C8orf34: variants seen among roughly 807,000 people sequenced by gnomAD.
C8orf34 encodes the protein uncharacterized protein C8orf34.
A neutral mutation model predicts 68.3 loss-of-function variants in C8orf34; 65 were observed. The observed-to-expected ratio is 0.95, with a 90% CI of 0.78 to 1.17. The LOEUF (loss-of-function observed/expected upper bound fraction) is 1.17. C8orf34 is among the 50% of genes most tolerant of loss of function. C8orf34 has a pLI of 0.00. For synonymous variants in C8orf34, 244 were observed against 241.2 expected (o/e 1.01, Z -0.11); for missense variants, 664 against 655.4 (o/e 1.01, Z -0.14).
At chr8:68,525,634 A>C in intron 6 of C8orf34, 1 of 735,908 alleles carries the variant, frequency 1.4e-6, no homozygotes, top group South Asian at 1.4e-5. Context: ...ATGGGAGCAG[A>C]TTATGCTGCC....
chr8:68,354,791 C>T (rs1445540409), intron 1 of C8orf34, among the ~76,000 whole-genome samples: 1 of 151,970 alleles, frequency 6.6e-6, no homozygotes, highest in African/African-American at 2.4e-5. Flanking sequence ...CAAAGTAGAT[C>T]GTAAAGTCTT....
chr8:68,450,912 G>A (rs1453367087), intron 3 of C8orf34, among the ~76,000 whole-genome samples: 5 of 152,050 alleles, frequency 3.3e-5, no homozygotes, highest in African/African-American at 9.7e-5. Flanking sequence ...TTGAAGCCAG[G>A]CATTGACTTC....
chr8:68,561,533 G>GA (rs1243177294), intron 7 of C8orf34, among the ~76,000 whole-genome samples: 4 of 152,292 alleles, frequency 2.6e-5, no homozygotes, highest in African/African-American at 9.6e-5. Flanking sequence ...AACATGGGGG[G>GA]ATCTCCTGAG....
intron 10 of C8orf34, among the ~76,000 whole-genome samples, chr8:68,758,251 A>T (rs528893578): frequency 8.9e-4 from 136 of 152,288 alleles, no homozygotes; most frequent in African/African-American, 3.1e-3. Context: ...ATTTTTAAAA[A>T]TTTTCTCTGC....
At chr8:68,773,659 T>C (rs929368382) in intron 10 of C8orf34, among the ~76,000 whole-genome samples, 2 of 152,144 alleles carry the variant, frequency 1.3e-5, no homozygotes, top group African/African-American at 4.8e-5. Context: ...GTGCTGGGAT[T>C]ACAGGTGTGA....
At chr8:68,563,402 G>A (rs1470534138) in intron 7 of C8orf34, among the ~76,000 whole-genome samples, 1 of 152,042 alleles carries the variant, frequency 6.6e-6, no homozygotes, top group Non-Finnish European at 1.5e-5. Context: ...GGAAAATAAA[G>A]CATTAACAGA....
intron 11 of C8orf34, among the ~76,000 whole-genome samples, chr8:68,786,803 A>G (rs1396219777): frequency 1.3e-5 from 2 of 152,208 alleles, no homozygotes; most frequent in Non-Finnish European, 2.9e-5. Context: ...TGGCAACTTA[A>G]AAAGCGTGCT....
chr8:68,599,605 G>A (rs1817641645), intron 7 of C8orf34, among the ~76,000 whole-genome samples: 1 of 151,928 alleles, frequency 6.6e-6, no homozygotes, highest in Admixed American at 6.6e-5. Context: ...GAATTAAATT[G>A]TATTCCTCCC....
At chr8:68,634,230 A>T (rs1017837166) in intron 7 of C8orf34, among the ~76,000 whole-genome samples, 4 of 152,202 alleles carry the variant, frequency 2.6e-5, no homozygotes, top group Non-Finnish European at 4.4e-5. Flanking sequence ...CATCTTTCAC[A>T]TTGGAATTTC....
intron 7 of C8orf34, among the ~76,000 whole-genome samples, chr8:68,571,711 G>T (rs1586390860): frequency 6.6e-6 from 1 of 152,086 alleles, no homozygotes; most frequent in African/African-American, 2.4e-5. Flanking sequence ...ATTGCAAATG[G>T]CCTTCTTTTT....
chr8:68,692,158 C>T (rs1820703581), intron 8 of C8orf34, among the ~76,000 whole-genome samples: 1 of 151,904 alleles, frequency 6.6e-6, no homozygotes, highest in South Asian at 2.1e-4. Context: ...GTGGACTGTC[C>T]ATCTGGAATG....
At chr8:68,754,701 A>AC (rs1822801952) in intron 10 of C8orf34, among the ~76,000 whole-genome samples, 1 of 152,224 alleles carries the variant, frequency 6.6e-6, no homozygotes, top group South Asian at 2.1e-4. Flanking sequence ...AAAAGTCTCT[A>AC]CCTCTGAAAT....
At chr8:68,470,887 T>C (rs1812352294) in intron 4 of C8orf34, among the ~76,000 whole-genome samples, 1 of 152,100 alleles carries the variant, frequency 6.6e-6, no homozygotes, top group Non-Finnish European at 1.5e-5. Context: ...GATTAGAGTT[T>C]AGCTTATGAG....
At chr8:68,592,703 G>A (rs1253306145) in intron 7 of C8orf34, among the ~76,000 whole-genome samples, 1 of 147,148 alleles carries the variant, frequency 6.8e-6, no homozygotes, top group Admixed American at 6.9e-5. Flanking sequence ...CTGCCTCCCA[G>A]GTTCAAGTGA....
At chr8:68,771,828 G>T (rs879681084) in intron 10 of C8orf34, among the ~76,000 whole-genome samples, 3 of 151,914 alleles carry the variant, frequency 2.0e-5, no homozygotes, top group Non-Finnish European at 4.4e-5. Context: ...TTTTCCCATA[G>T]CATCTTGATC....
chr8:68,677,655 C>T (rs772885848), intron 8 of C8orf34, among the ~76,000 whole-genome samples: 3 of 151,970 alleles, frequency 2.0e-5, no homozygotes, highest in Non-Finnish European at 4.4e-5. Flanking sequence ...CATGCCTGGC[C>T]CTAACAATGC....
intron 8 of C8orf34, among the ~76,000 whole-genome samples, chr8:68,686,959 A>T (rs1820537169): frequency 6.6e-6 from 1 of 152,100 alleles, no homozygotes; most frequent in South Asian, 2.1e-4. Flanking sequence ...ACAAGTCAAT[A>T]GCACTCGACA....
chr8:68,500,564 A>G (rs1463587614), intron 5 of C8orf34, among the ~76,000 whole-genome samples: 1 of 152,194 alleles, frequency 6.6e-6, no homozygotes, highest in Non-Finnish European at 1.5e-5. Flanking sequence ...GGAGCATCAT[A>G]TCTGCAACTT....
At chr8:68,622,319 A>G (rs963027492) in intron 7 of C8orf34, among the ~76,000 whole-genome samples, 1 of 152,238 alleles carries the variant, frequency 6.6e-6, no homozygotes, top group African/African-American at 2.4e-5. Flanking sequence ...CACTACATCC[A>G]GATGACTTTC....
Sources: gnomAD v4.1 joint callset for allele counts (sites outside exome capture counted in the v4.1 genomes callset) on GRCh38, gnomAD v4.1.1 for gene constraint, MANE v1.5 for transcripts, NCBI Gene and HGNC (gene_info 2026-07-23, HGNC 2026-07-21) for gene names.